Variants in COL9A2 observed in about 807,000 individuals in gnomAD.
The protein encoded by COL9A2 is collagen alpha-2(IX) chain.
In COL9A2, 66 loss-of-function variants were observed where a neutral mutation model predicts 111.6. That is an observed-to-expected ratio of 0.59 (90% CI 0.48 to 0.73). COL9A2 has a LOEUF of 0.73. Ranked by LOEUF, COL9A2 falls within the 30% of genes least tolerant of loss-of-function variation. The pLI, the probability that COL9A2 is intolerant of heterozygous loss-of-function variation, is 0.00. For synonymous variants in COL9A2, 353 were observed against 364.1 expected, an observed-to-expected ratio of 0.97 and a Z score of 0.35; for missense variants, 881 against 954.1, an observed-to-expected ratio of 0.92 and a Z score of 1.01.
rs1644105652 is a variant in COL9A2 at position 40,310,450 on chromosome 1, T to G, written c.685-133A>C. 1 of 964,440 alleles carries G rather than the reference T, an allele frequency of 1.0e-6. No individual in the cohort carries two copies. The highest frequency in any genetic ancestry group is 2.5e-5 in the East Asian group (1 of 39,806). The allele number at this position is 964,440 out of a possible 1,614,324, so 59.7% of individuals were successfully genotyped here. ...GAGTCTCTGTCTCATGGATGGGACA[T>G]GGAGGTTCAGAGATGAGGAGGGACT... is the stretch of plus-strand genomic sequence containing the variant. On this transcript the variant is annotated intron_variant, in intron 13 of 31. Transcript: ENST00000372748. The surrounding 1 kb of genome is among the most constrained non-coding windows in gnomAD (Gnocchi z 4.9).
Position 40,307,330 on chromosome 1 carries a change from A to C in COL9A2, c.1008+116T>G. ...AAGCCTTCGCCAGGCCAGGGGCCAC[A>C]GAGTTGGTAACAAGGCAAGAGGTGG... On this transcript the variant is annotated intron_variant, in intron 19 of 31. Coordinates refer to ENST00000372748, the MANE Select transcript of COL9A2 (RefSeq NM_001852.4). The surrounding 1 kb of genome is among the most constrained non-coding windows in gnomAD (Gnocchi z 4.8). 1 of 1,004,538 alleles carries C rather than the reference A, an allele frequency of 1.0e-6. No homozygotes were observed. The highest frequency in any genetic ancestry group is 1.5e-6 in the Non-Finnish European group (1 of 650,062). 62.2% of individuals were successfully genotyped at this position (1,004,538 alleles called of 1,614,324 possible).
rs1259277650 is a variant in COL9A2, at chr1:40,314,151, T to C, written c.249+54A>G. The C allele has an allele frequency of 6.3e-7, 1 of 1,585,000 alleles. No homozygotes were observed. The highest frequency in any genetic ancestry group is 8.7e-7 in the Non-Finnish European group (1 of 1,154,348). The stretch of plus-strand genomic sequence containing the variant: ...CAGTGAAGATGCCAGAGCCAGGCCC[T>C]GGAGGTCAATTGGCAGAGCCCTACC... On this transcript the variant is annotated intron_variant, in intron 4 of 31. Transcript: ENST00000372748. This position sits in a 1 kb window ranked among gnomAD's most constrained non-coding sequence, Gnocchi z 4.1.
chr1:40,315,646 G>A lies in COL9A2; in HGVS notation c.94C>T (p.Arg32Trp). 6.4e-7 allele frequency: 1 copy of A among 1,553,878 alleles called. No individual in the cohort carries two copies. The highest frequency in any genetic ancestry group is 8.7e-7 in the Non-Finnish European group (1 of 1,147,850). Residue 32 changes from arginine to tryptophan, a missense_variant, in exon 2 of 32, where the codon CGG (arginine) becomes TGG (tryptophan). Physicochemically the swap from Arg to Trp is moderately radical, Grantham distance 101. Coordinates refer to ENST00000372748, the MANE Select transcript of COL9A2 (RefSeq NM_001852.4). ...LAQIRGPPGE[R>W]GPPGPPGPPG... ...GGTCCCGGGGGACCCGGGGGGCCCCGCTCTCCCGGTGGACCTCTCTGAAAA... is the reference window on the plus strand; with the variant it reads ...GGTCCCGGGGGACCCGGGGGGCCCCACTCTCCCGGTGGACCTCTCTGAAAA...
Position 40,312,806 on chromosome 1 carries a change from G to A in COL9A2, c.250-22C>T, listed in dbSNP as rs1237126596. On this transcript the variant is annotated intron_variant, in intron 4 of 31. Transcript: ENST00000372748. The surrounding 1 kb of genome is among the most constrained non-coding windows in gnomAD (Gnocchi z 6.0). ...AACCCTGGGGAAGAATGAAAATGTA[G>A]GATCAATGAGGGCCAACCTGCTCCC... 2 of 1,548,586 alleles carry A rather than the reference G, an allele frequency of 1.3e-6. No individual in the cohort carries two copies. The highest frequency in any genetic ancestry group is 1.2e-5 in the South Asian group (1 of 83,912).
Position 40,311,131 on chromosome 1 carries a change from G to C in COL9A2, c.592C>G (p.Arg198Gly), listed in dbSNP as rs767929481. 6.2e-7 allele frequency: 1 copy of C among 1,614,060 alleles called. No individual in the cohort carries two copies. The highest frequency in any genetic ancestry group is 1.3e-5 in the African/African-American group (1 of 74,930). Reference sequence around the variant, plus strand: ...TGGCCAGGATCACCCAGAATCCCGCGTTTGCCCGCATGCCCCTGAAGGGAA... The same window carrying C: ...TGGCCAGGATCACCCAGAATCCCGCCTTTGCCCGCATGCCCCTGAAGGGAA... ...LQGVKGHAGK[R>G]GILGDPGHQG... The change falls in exon 12 of 32, where the codon CGC becomes GGC. Residue 198 changes from arginine (R) to glycine (G), a missense_variant. Arg to Gly is a moderately radical substitution (Grantham distance 125). Transcript: ENST00000372748. The surrounding 1 kb of genome is among the most constrained non-coding windows in gnomAD (Gnocchi z 5.1).
chr1:40,308,149 G>T lies in COL9A2; in HGVS notation c.900+43C>A, dbSNP rs762303605. The T allele has an allele frequency of 2.5e-6, 4 of 1,589,824 alleles. No individual in the cohort carries two copies. The African/African-American group carries it at 5.4e-5, about 21-fold the overall frequency. On this transcript the variant is annotated intron_variant, in intron 17 of 31. Coordinates refer to ENST00000372748, the MANE Select transcript of COL9A2 (RefSeq NM_001852.4). ...CTGGGGGTTTGGACAAAGCAGCTGG[G>T]CCCTGGCCTCTGTCCTGGTGGGCCT...
chr1:40,301,681 G>T (rs1643916621), intron 31 of COL9A2, 131 bp downstream of exon 31: 12 of 875,896 alleles, frequency 1.4e-5, no homozygotes, highest in Non-Finnish European at 1.9e-5. Context: ...GCTCCAAAGG[G>T]GTGCAGAAGC....
At chr1:40,304,665 A>G in intron 22 of COL9A2, 129 bp downstream of exon 22, 1 of 1,386,004 alleles carries the variant, frequency 7.2e-7, no homozygotes, top group Non-Finnish European at 1.0e-6. Context: ...TCCACTTGGC[A>G]GACCAGCAAA....
At chr1:40,308,128 G>T in intron 17 of COL9A2, 64 bp downstream of exon 17, 1 of 1,516,698 alleles carries the variant, frequency 6.6e-7, no homozygotes, top group South Asian at 1.1e-5. Flanking sequence ...TCTCTTCTGG[G>T]GGTTTGGACA....
At chr1:40,304,168 G>A in intron 24 of COL9A2, 69 bp from the exon 25 acceptor site, 1 of 1,516,936 alleles carries the variant, frequency 6.6e-7, no homozygotes, top group Non-Finnish European at 8.8e-7. Context: ...CTAACTTTCG[G>A]CCACACCCCT....
intron 21 of COL9A2, among the ~76,000 whole-genome samples, chr1:40,305,482 G>A (rs1231957945): frequency 6.6e-6 from 1 of 152,192 alleles, no homozygotes; most frequent in African/African-American, 2.4e-5. Context: ...CTGCCTGTTG[G>A]ATTCCCAGCC....
rs763966106 is a variant in COL9A2, at chr1:40,309,981, C to T, written c.803G>A (p.Gly268Asp). The change falls in exon 16 of 32, where the codon GGT (glycine) becomes GAT (aspartate). Residue 268 changes from glycine to aspartate, a missense_variant. Coordinates refer to ENST00000372748, the MANE Select transcript of COL9A2 (RefSeq NM_001852.4). ...IGATGPPGEE[G>D]PRGPPGRAGE... ...AGCTCGGCCTGGCGGTCCCCTAGGA[C>T]CTTCCTCACCCTGGCAAGAAAGACA... is the stretch of plus-strand genomic sequence containing the variant. The T allele has an allele frequency of 1.8e-5, 29 of 1,614,036 alleles. No individual in the cohort carries two copies. The East Asian group carries it at 5.1e-4, about 29-fold the overall frequency.
Position 40,310,990 on chromosome 1 carries a change from C to T in COL9A2, c.630+103G>A, listed in dbSNP as rs1644113968. On this transcript the variant is annotated intron_variant, in intron 12 of 31. Transcript: ENST00000372748. This position sits in a 1 kb window ranked among gnomAD's most constrained non-coding sequence, Gnocchi z 4.9. Reference sequence around the variant, plus strand: ...CCAGCCCCCGGCTCAAGGCTCTGTCCCCAGAACCCACAGGGGAAGGGGAAG... The same window carrying T: ...CCAGCCCCCGGCTCAAGGCTCTGTCTCCAGAACCCACAGGGGAAGGGGAAG... 1 of 1,500,348 alleles carries T rather than the reference C, an allele frequency of 6.7e-7. No individual in the cohort carries two copies. The highest frequency in any genetic ancestry group is 1.1e-5 in the South Asian group (1 of 88,314). The allele number at this position is 1,500,348 out of a possible 1,614,324, so 92.9% of individuals were successfully genotyped here.
At chr1:40,305,050 TTTC>T in intron 21 of COL9A2, 1 of 398,412 alleles carries the variant, frequency 2.5e-6, no homozygotes, top group South Asian at 4.8e-5. Context: ...CATGTGATCA[TTTC>T]TTTCTTTCTT....
At position 40,302,824 on chromosome 1, in the gene COL9A2, G is replaced by GGAGA; in HGVS notation, c.1604-16_1604-15insTCTC. 1 of 1,519,118 alleles carries GGAGA rather than the reference G, an allele frequency of 6.6e-7. No individual in the cohort carries two copies. Among genetic ancestry groups the GGAGA allele is most frequent in the Non-Finnish European group, 8.9e-7 (1 of 1,123,870 alleles). 94.1% of individuals were successfully genotyped at this position (1,519,118 alleles called of 1,614,324 possible). A position where few individuals can be genotyped will look rare whatever the true frequency, so the allele number is the denominator to read the frequency against. ...TGCCAGTTGCTCTGGAGGGAGGGAG[G>GGAGA]GAGGGAGGGAGAGGGAAGTCTATGA... On this transcript the variant is annotated splice_polypyrimidine_tract_variant and intron_variant, in intron 29 of 31. Transcript: ENST00000372748. The surrounding 1 kb of genome is among the most constrained non-coding windows in gnomAD (Gnocchi z 4.5).
In COL9A2 at chr1:40,307,449, T is replaced by G. The variant is rs761276112; in HGVS notation, c.1005A>C (p.Leu335=). 6.2e-7 allele frequency: 1 copy of G among 1,613,886 alleles called. No individual in the cohort carries two copies. Among genetic ancestry groups the G allele is most frequent in the Non-Finnish European group, 8.5e-7 (1 of 1,179,968 alleles). ...TGTGGCTCCACCTGACACTTACCGC[T>G]AGGCCCTGGTGGCCTGGACTTCCGG... ...GQPGSPGHQG[L]AGVPGQPGTK... is the part of the protein sequence containing the mutation. Residue 335 remains leucine, a synonymous_variant, in exon 19 of 32, where the codon CTA becomes CTC. Transcript: ENST00000372748. The surrounding 1 kb of genome is among the most constrained non-coding windows in gnomAD (Gnocchi z 4.8).
chr1:40,301,861 T>C lies in COL9A2; in HGVS notation c.1821A>G (p.Gly607=), dbSNP rs541456378. 3 of 1,614,132 alleles carry C rather than the reference T, an allele frequency of 1.9e-6. No individual in the cohort carries two copies. Among genetic ancestry groups the C allele is most frequent in the Non-Finnish European group, 2.5e-6 (3 of 1,180,016 alleles). ...TCCCGGGGTGCCCCCGTCCCACTTC[T>C]CCTGGATCACCCTTCTCTCCACGTT... The part of the protein sequence containing the change: ...KGKRGEKGDP[G]EVGRGHPGMP... Residue 607 remains glycine, a synonymous_variant, in exon 31 of 32, where the codon GGA becomes GGG. Transcript: ENST00000372748.
In COL9A2 at chr1:40,306,181, G is replaced by A. The variant is rs1644027182; in HGVS notation, c.1015C>T (p.Pro339Ser). ...SPGHQGLAGV[P>S]GQPGTKGGPG... ...CCTCCTTTTGTCCCAGGCTGGCCTG[G>A]CACACCCTGCAGAAAGAAGTTGAAG... The change falls in exon 20 of 32, where the codon CCA (proline) becomes TCA (serine). Residue 339 changes from proline to serine, a missense_variant. By Grantham distance (74) the Pro-to-Ser change is moderately conservative. Transcript: ENST00000372748. 6.2e-7 allele frequency: 1 copy of A among 1,614,166 alleles called. No individual in the cohort carries two copies. Among genetic ancestry groups the A allele is most frequent in the Non-Finnish European group, 8.5e-7 (1 of 1,180,028 alleles).
In COL9A2 at chr1:40,303,562, C is replaced by T. The variant is rs1225104241; in HGVS notation, c.1516G>A (p.Val506Met). The T allele has an allele frequency of 1.2e-6, 2 of 1,611,516 alleles. No individual in the cohort carries two copies. Among genetic ancestry groups the T allele is most frequent in the Non-Finnish European group, 1.7e-6 (2 of 1,179,446 alleles). Residue 506 changes from valine to methionine, a missense_variant, in exon 28 of 32, where the codon GTG (valine) becomes ATG (methionine). By Grantham distance (21) the Val-to-Met change is conservative (BLOSUM62 1). Coordinates refer to ENST00000372748, the MANE Select transcript of COL9A2 (RefSeq NM_001852.4). The surrounding 1 kb of genome is among the most constrained non-coding windows in gnomAD (Gnocchi z 4.6). Reference sequence around the variant, plus strand: ...CCCTGTCTCCCGGGCTGTCCTGGCACGCCTCGGTTCCCGGCCAGTCCTCGA... The same window carrying T: ...CCCTGTCTCCCGGGCTGTCCTGGCATGCCTCGGTTCCCGGCCAGTCCTCGA... ...GPRGLAGNRG[V>M]PGQPGRQGVE... is the part of the protein sequence containing the mutation.
Sources: gnomAD v4.1 joint callset for allele counts (sites outside exome capture counted in the v4.1 genomes callset) on GRCh38, gnomAD v4.1.1 for gene constraint, Gnocchi (gnomAD v3.1) non-coding constraint, MANE v1.5 for transcripts, NCBI Gene and HGNC (gene_info 2026-07-23, HGNC 2026-07-21) for gene names.